Variants in CLSTN1 observed in about 807,000 individuals in gnomAD.
CLSTN1 encodes calsyntenin-1.
A neutral mutation model predicts 108.3 loss-of-function variants in CLSTN1; 28 were observed. That is an observed-to-expected ratio of 0.26 (90% CI 0.19 to 0.35). The LOEUF is 0.35. Ranked by LOEUF, CLSTN1 falls within the 10% of genes least tolerant of loss-of-function variation. The pLI, the probability that CLSTN1 is intolerant of heterozygous loss-of-function variation, is 1.00. For synonymous variants in CLSTN1, 524 were observed against 534.9 expected (o/e 0.98, Z 0.28); for missense variants, 1,157 against 1,302.6 (o/e 0.89, Z 1.72).
chr1:9,734,918 A>G lies in CLSTN1; in HGVS notation c.2110+30T>C, dbSNP rs760614039. The G allele has an allele frequency of 1.3e-6, 2 of 1,582,470 alleles. No homozygotes were observed. Among genetic ancestry groups the G allele is most frequent in the South Asian group, 2.2e-5 (2 of 90,512 alleles). ...GACAATGGGGTTTCCGGCCGAGGCG[A>G]GGGAGCCCGCGCCCCACAGAGCACA... On this transcript the variant is annotated intron_variant, in intron 14 of 18. Transcript: ENST00000377298. This position sits in a 1 kb window ranked among gnomAD's most constrained non-coding sequence, Gnocchi z 4.8.
intron 1 of CLSTN1, among the ~76,000 whole-genome samples, chr1:9,821,814 A>G (rs1366798330): frequency 6.6e-6 from 1 of 152,240 alleles, no homozygotes; most frequent in Non-Finnish European, 1.5e-5. Context: ...ACTGATGTGT[A>G]AAATGTCTTT....
intron 7 of CLSTN1, among the ~76,000 whole-genome samples, chr1:9,746,716 G>GA (rs1210965219): frequency 7.1e-4 from 98 of 138,896 alleles, no homozygotes; most frequent in Non-Finnish European, 7.6e-4. Context: ...TGTCTCAAAA[G>GA]AAAAAAAAAA....
intron 17 of CLSTN1, 30 bp downstream of exon 17, chr1:9,731,731 C>T (rs767604663): frequency 8.1e-6 from 13 of 1,613,452 alleles, no homozygotes; most frequent in Non-Finnish European, 1.1e-5. Context: ...CATGGAGCAT[C>T]TCCGCTTGGT....
chr1:9,799,808 G>A (rs920525880), intron 1 of CLSTN1, among the ~76,000 whole-genome samples: 2 of 151,870 alleles, frequency 1.3e-5, no homozygotes, highest in African/African-American at 4.8e-5. Flanking sequence ...GGGCGTGCTG[G>A]TGGGTGCCTG....
chr1:9,730,570 C>T lies in CLSTN1; in HGVS notation c.2884G>A (p.Asp962Asn), dbSNP rs776908677. The T allele has an allele frequency of 7.0e-5, 113 of 1,608,708 alleles. No homozygotes were observed. In the Middle Eastern group the frequency reaches 8.2e-4, roughly 12 times the overall value. ...TGCTGCCGGGTTGCGTTCTGGGGGT[C>T]GCCCTGCTCCCCCTCCTCCTCCTCG... The part of the protein sequence containing the change: ...SSEEEEGEQG[D>N]PQNATRQQQL... The change falls in exon 19 of 19, where the codon GAC (aspartate) becomes AAC (asparagine). Residue 962 changes from aspartate to asparagine, a missense_variant. Transcript: ENST00000377298. The surrounding 1 kb of genome is among the most constrained non-coding windows in gnomAD (Gnocchi z 5.6).
Position 9,823,577 on chromosome 1 carries a change from C to G in CLSTN1, c.91+66G>C, listed in dbSNP as rs939077922. 1.3e-5 allele frequency: 14 copies of G among 1,082,442 alleles called. No homozygotes were observed. The highest frequency in any genetic ancestry group is 1.3e-5 in the Non-Finnish European group (11 of 867,610). 67.1% of individuals were successfully genotyped at this position (1,082,442 alleles called of 1,614,324 possible). ...CGGACCCGAATCCCCGCACCGGGAC[C>G]CGAATCCTGCACCCGGACCCGAATC... On this transcript the variant is annotated intron_variant, in intron 1 of 18. Transcript: ENST00000377298. The surrounding 1 kb of genome is among the most constrained non-coding windows in gnomAD (Gnocchi z 6.3).
intron 1 of CLSTN1, among the ~76,000 whole-genome samples, chr1:9,799,229 T>C (rs1451744480): frequency 6.6e-6 from 1 of 151,728 alleles, no homozygotes; most frequent in African/African-American, 2.4e-5. Context: ...CACAGGCAAA[T>C]ACACAAGGAA....
chr1:9,736,376 G>A (rs936861524), intron 11 of CLSTN1, among the ~76,000 whole-genome samples: 1 of 151,862 alleles, frequency 6.6e-6, no homozygotes, highest in African/African-American at 2.4e-5. Context: ...CACTTCCTAC[G>A]CCACCAGCCT....
chr1:9,747,168 G>C (rs934438801), intron 7 of CLSTN1, among the ~76,000 whole-genome samples: 1 of 107,218 alleles, frequency 9.3e-6, no homozygotes, highest in Non-Finnish European at 1.7e-5. Flanking sequence ...GACAGAGGGA[G>C]ACTGTCTCAA....
At chr1:9,745,929 C>T (rs187368285) in intron 7 of CLSTN1, among the ~76,000 whole-genome samples, 57 of 151,904 alleles carry the variant, frequency 3.8e-4, no homozygotes, top group African/African-American at 1.1e-3. Context: ...CCACCATGCC[C>T]GGCTAATTTT....
chr1:9,799,650 C>CA (rs1297330609), intron 1 of CLSTN1, among the ~76,000 whole-genome samples: 105 of 111,468 alleles, frequency 9.4e-4, no homozygotes, highest in African/African-American at 2.4e-3. Context: ...CCCAAAAAAA[C>CA]AAAAAAAAAA....
At chr1:9,823,999 T>G, upstream of CLSTN1, 1 of 143,826 alleles carries the variant, frequency 7.0e-6, no homozygotes, top group Non-Finnish European at 1.5e-5. This position sits in a 1 kb window ranked among gnomAD's most constrained non-coding sequence, Gnocchi z 6.3. Flanking sequence ...CCGGCGAGGG[T>G]ACCCGGCCGG....
chr1:9,795,961 CAAAA>C (rs70998311), intron 1 of CLSTN1, among the ~76,000 whole-genome samples: 2 of 135,646 alleles, frequency 1.5e-5, no homozygotes, highest in Non-Finnish European at 1.6e-5. Flanking sequence ...TCCCCACCTC[CAAAA>C]AAAAAAAAAA....
chr1:9,742,179 G>A (rs147834830), intron 9 of CLSTN1, among the ~76,000 whole-genome samples: 15 of 152,148 alleles, frequency 9.9e-5, no homozygotes, highest in African/African-American at 3.6e-4. Flanking sequence ...TCTGAACATT[G>A]ACTGGCTATT....
In CLSTN1 at chr1:9,814,247, C is replaced by CAAAAAAAA. The variant is rs558624346; in HGVS notation, c.91+9388_91+9395dup. Among the ~76,000 whole-genome samples, 191 of 94,912 alleles carry CAAAAAAAA rather than the reference C, an allele frequency of 2.0e-3. 2 individuals are homozygous for CAAAAAAAA. Among genetic ancestry groups the CAAAAAAAA allele is most frequent in the African/African-American group, 6.9e-3 (181 of 26,144 alleles). 62.3% of individuals were successfully genotyped at this position (94,912 alleles called of 152,430 possible). ...CAATATGGTAAAACCCCATCTCTACCAAAAAAAAAAAAAAAAAAGCCAGGC... is the reference window on the plus strand; with the variant it reads ...CAATATGGTAAAACCCCATCTCTACCAAAAAAAAAAAAAAAAAAAAAAAAAAGCCAGGC... On this transcript the variant is annotated intron_variant, in intron 1 of 18. Transcript: ENST00000377298.
intron 1 of CLSTN1, among the ~76,000 whole-genome samples, chr1:9,795,127 T>C (rs1653931550): frequency 6.6e-6 from 1 of 151,356 alleles, no homozygotes; most frequent in African/African-American, 2.4e-5. Context: ...AGTAATGCTT[T>C]TACATAGAAT....
At chr1:9,753,560 T>C (rs912549379) in intron 4 of CLSTN1, among the ~76,000 whole-genome samples, 15 of 151,932 alleles carry the variant, frequency 9.9e-5, no homozygotes, top group African/African-American at 3.6e-4. Context: ...GATGTGATCT[T>C]GGCTCAGTGC....
intron 9 of CLSTN1, 130 bp from the exon 10 acceptor site, chr1:9,741,386 A>G (rs1188268207): frequency 6.1e-6 from 5 of 821,982 alleles, no homozygotes; most frequent in Non-Finnish European, 7.6e-6. Flanking sequence ...CTAACCACAA[A>G]ATATCTGCAA....
chr1:9,807,303 A>G (rs1012121532), intron 1 of CLSTN1, among the ~76,000 whole-genome samples: 7 of 152,138 alleles, frequency 4.6e-5, no homozygotes, highest in Non-Finnish European at 7.4e-5. Flanking sequence ...GGAAGCCTGC[A>G]GTTGGTCACT....
Sources: allele counts gnomAD v4.1 joint callset (sites outside exome capture counted in the v4.1 genomes callset), GRCh38; gene constraint gnomAD v4.1.1; non-coding constraint Gnocchi (gnomAD v3.1); transcripts MANE v1.5; gene names NCBI Gene and HGNC (gene_info 2026-07-23, HGNC 2026-07-21).